Variants in NCOA3 observed in about 807,000 individuals in gnomAD.
The protein encoded by NCOA3 is CBP-interacting protein.
NCOA3 carries 51 observed loss-of-function variants against 158.8 expected under a neutral mutation model. The ratio of observed to expected loss-of-function variants is 0.32; its 90% CI spans 0.26 to 0.41. The LOEUF (loss-of-function observed/expected upper bound fraction) is 0.41. Among genes scored for constraint, NCOA3 ranks in the 10% least tolerant of loss-of-function variants. The probability of loss-of-function intolerance (pLI) is 1.00; values close to 1 mark genes in which losing one functional copy is unlikely to be tolerated. For synonymous variants in NCOA3, 537 were observed against 592.4 expected (o/e 0.91, Z 1.36); for missense variants, 1,510 against 1,746.6 (o/e 0.86, Z 2.41).
chr20:47,654,240 A>T lies in NCOA3; in HGVS notation c.*823A>T, dbSNP rs1322768735. 6.7e-6 allele frequency: 1 copy of T among 150,140 alleles called. No individual in the cohort carries two copies. The highest frequency in any genetic ancestry group is 1.9e-4 in the East Asian group (1 of 5,134). The allele number at this position is 150,140 out of a possible 1,614,324, so 9.3% of individuals were successfully genotyped here. On this transcript the variant is annotated 3_prime_UTR_variant, in exon 23 of 23. Transcript: ENST00000371998. ...ACTTACGTGTTAGACAAGAACTATG[A>T]TTTTTTTTTTTAAAGTACTGGTGTC... is the stretch of plus-strand genomic sequence containing the variant.
Position 47,651,128 on chromosome 20 carries a change from ACAGCAACAGCAACAG to A in NCOA3, c.3810_3824del (p.Gln1272_Gln1276del). The stretch of plus-strand genomic sequence containing the variant: ...AGCAGCAGCAGCAGCAGCAACAGCA[ACAGCAACAGCAACAG>A]CAGCAACAGCAGCAAACCCAGGCCT... On this transcript the variant is annotated inframe_deletion, in exon 20 of 23. Coordinates refer to ENST00000371998, the MANE Select transcript of NCOA3 (RefSeq NM_181659.3). The A allele has an allele frequency of 1.9e-6, 3 of 1,604,184 alleles. No homozygotes were observed. The highest frequency in any genetic ancestry group is 2.6e-6 in the Non-Finnish European group (3 of 1,173,450).
intron 16 of NCOA3, among the ~76,000 whole-genome samples, chr20:47,640,341 G>A (rs2086583061): frequency 6.6e-6 from 1 of 152,184 alleles, no homozygotes; most frequent in South Asian, 2.1e-4. Context: ...TGTCTCTCTA[G>A]TCCCATGAGG....
At chr20:47,609,906 TC>T (rs1035134588) in intron 2 of NCOA3, among the ~76,000 whole-genome samples, 1 of 152,176 alleles carries the variant, frequency 6.6e-6, no homozygotes, top group Non-Finnish European at 1.5e-5. Flanking sequence ...GCACATTTCT[TC>T]CCTGAAGCAA....
intron 3 of NCOA3, among the ~76,000 whole-genome samples, 163 bp from the exon 4 acceptor site, chr20:47,623,748 G>A (rs1044866759): frequency 1.3e-5 from 2 of 151,604 alleles, no homozygotes; most frequent in African/African-American, 2.4e-5. Flanking sequence ...AAGTCGCACC[G>A]TTGTACTCCA....
chr20:47,573,098 T>C (rs572095364), intron 1 of NCOA3, among the ~76,000 whole-genome samples: 1 of 152,194 alleles, frequency 6.6e-6, no homozygotes, highest in Admixed American at 6.5e-5. Context: ...AATAGTAACA[T>C]TGAAGAACAC....
chr20:47,545,457 G>A (rs1233126939), intron 1 of NCOA3, among the ~76,000 whole-genome samples: 10 of 152,020 alleles, frequency 6.6e-5, no homozygotes, highest in African/African-American at 2.2e-4. Context: ...GATTACTGGC[G>A]TGAGCCACTG....
At chr20:47,572,844 A>G (rs1436184005) in intron 1 of NCOA3, among the ~76,000 whole-genome samples, 1 of 152,082 alleles carries the variant, frequency 6.6e-6, no homozygotes, top group African/African-American at 2.4e-5. Context: ...GCCCATTTCT[A>G]GCTTTTGACT....
At chr20:47,540,662 TTA>T (rs1391484862) in intron 1 of NCOA3, among the ~76,000 whole-genome samples, 2 of 152,192 alleles carry the variant, frequency 1.3e-5, no homozygotes, top group African/African-American at 4.8e-5. Flanking sequence ...ATATAAGGTC[TTA>T]TCTCTTCTTC....
intron 17 of NCOA3, among the ~76,000 whole-genome samples, chr20:47,642,588 C>G (rs1035470435): frequency 1.3e-5 from 2 of 152,094 alleles, no homozygotes; most frequent in African/African-American, 2.4e-5. Flanking sequence ...AATATACTTA[C>G]GATTGCGATA....
chr20:47,528,856 C>G (rs1314375806), intron 1 of NCOA3, among the ~76,000 whole-genome samples: 1 of 152,160 alleles, frequency 6.6e-6, no homozygotes, highest in Non-Finnish European at 1.5e-5. Context: ...TCACTGCAAC[C>G]TCCGCTTCCT....
At chr20:47,521,691 C>A (rs1000209025) in intron 1 of NCOA3, among the ~76,000 whole-genome samples, 1 of 151,924 alleles carries the variant, frequency 6.6e-6, no homozygotes, top group African/African-American at 2.4e-5. Flanking sequence ...AAAGGTTGCT[C>A]TACAGGGAAG....
rs1313622366 is a variant in NCOA3 at position 47,646,121 on chromosome 20, T to C, written c.3253-952T>C. ...CTCAAGTCCCTTATATAAAACAGTC[T>C]AGTATTTGCATATAGCCTATGCACA... On this transcript the variant is annotated intron_variant, in intron 17 of 22. Coordinates refer to ENST00000371998, the MANE Select transcript of NCOA3 (RefSeq NM_181659.3). Among the ~76,000 whole-genome samples, 3 of 152,236 alleles carry C rather than the reference T, an allele frequency of 2.0e-5. No homozygotes were observed. The East Asian group carries it at 5.8e-4, about 29-fold the overall frequency.
intron 1 of NCOA3, among the ~76,000 whole-genome samples, chr20:47,518,451 C>G (rs2084271197): frequency 7.2e-6 from 1 of 139,382 alleles, no homozygotes; most frequent in South Asian, 2.3e-4. Context: ...CAGAGTTTCG[C>G]TCTTGTTGCC....
In NCOA3 at chr20:47,652,879, T is replaced by A. The variant is rs1014989359; in HGVS notation, c.4122-52T>A. The A allele has an allele frequency of 4.4e-5, 70 of 1,596,960 alleles. 1 individual carries two copies. The South Asian group carries it at 6.3e-4, about 14-fold the overall frequency. On this transcript the variant is annotated intron_variant, in intron 21 of 22. Coordinates refer to ENST00000371998, the MANE Select transcript of NCOA3 (RefSeq NM_181659.3). The stretch of plus-strand genomic sequence containing the variant: ...TGTAGTAATTTCTGTGGGCATGCCC[T>A]TTGTCGCTAAAGTGACTTCCAGAGG...
intron 19 of NCOA3, among the ~76,000 whole-genome samples, chr20:47,650,411 T>C (rs2086763877): frequency 6.6e-6 from 1 of 151,722 alleles, no homozygotes; most frequent in African/African-American, 2.4e-5. Context: ...TCACCAAGGC[T>C]GGCTAGTTTT....
chr20:47,548,758 A>G (rs1475437043), intron 1 of NCOA3, among the ~76,000 whole-genome samples: 1 of 152,128 alleles, frequency 6.6e-6, no homozygotes, highest in East Asian at 1.9e-4. Context: ...AGAAAGGATT[A>G]ATTATGTCAT....
chr20:47,546,000 C>T (rs551630089), intron 1 of NCOA3, among the ~76,000 whole-genome samples: 42 of 152,236 alleles, frequency 2.8e-4, no homozygotes, highest in Admixed American at 2.7e-3. Flanking sequence ...CAGGCATGAG[C>T]CACTGTGCCA....
chr20:47,618,367 T>TTTG (rs1397355556), intron 2 of NCOA3, among the ~76,000 whole-genome samples: 1 of 144,024 alleles, frequency 6.9e-6, no homozygotes, highest in Non-Finnish European at 1.5e-5. Context: ...TTTTTTTTTT[T>TTTG]TTTATAGACA....
chr20:47,570,124 T>TG (rs2085268601), intron 1 of NCOA3, among the ~76,000 whole-genome samples: 1 of 152,190 alleles, frequency 6.6e-6, no homozygotes, highest in South Asian at 2.1e-4. Flanking sequence ...CTGGGGTAGA[T>TG]GCCATCTCAT....
Sources: gnomAD v4.1 joint callset for allele counts (sites outside exome capture counted in the v4.1 genomes callset) on GRCh38, gnomAD v4.1.1 for gene constraint, MANE v1.5 for transcripts, NCBI Gene and HGNC (gene_info 2026-07-23, HGNC 2026-07-21) for gene names.